Variants in ITGBL1 observed in about 807,000 individuals in gnomAD.
ITGBL1 encodes the protein integrin subunit beta like 1, also known as integrin beta-like protein 1.
Under a neutral mutation model 68.5 loss-of-function variants are expected in ITGBL1, and 51 were observed. The ratio of observed to expected loss-of-function variants is 0.74; its 90% CI spans 0.59 to 0.94. The LOEUF is 0.94. Among genes scored for constraint, ITGBL1 ranks in the 40% least tolerant of loss-of-function variants. The pLI, the probability that ITGBL1 is intolerant of heterozygous loss-of-function variation, is 0.00. For synonymous variants in ITGBL1, 209 were observed against 227.3 expected (o/e 0.92, Z 0.72); for missense variants, 649 against 647.4 (o/e 1.00, Z -0.03).
intron 2 of ITGBL1, among the ~76,000 whole-genome samples, chr13:101,469,474 G>A (rs1426613651): frequency 6.6e-6 from 1 of 152,204 alleles, no homozygotes; most frequent in Admixed American, 6.5e-5. Flanking sequence ...CTGAGGTCAC[G>A]AGTTCGAGAC....
At chr13:101,503,209 T>C (rs1232773672) in intron 2 of ITGBL1, among the ~76,000 whole-genome samples, 3 of 152,172 alleles carry the variant, frequency 2.0e-5, no homozygotes, top group African/African-American at 7.2e-5. Flanking sequence ...AGGATCTGGA[T>C]CTCCTGAAAA....
chr13:101,640,449 A>G (rs1401622027), intron 7 of ITGBL1, among the ~76,000 whole-genome samples: 1 of 152,092 alleles, frequency 6.6e-6, no homozygotes, highest in Non-Finnish European at 1.5e-5. Context: ...TTTATCCCAT[A>G]CCCTTGTATA....
intron 2 of ITGBL1, among the ~76,000 whole-genome samples, chr13:101,528,813 A>G (rs774533981): frequency 3.3e-5 from 5 of 152,008 alleles, no homozygotes; most frequent in Non-Finnish European, 5.9e-5. Context: ...AAAAATAAGC[A>G]TAGCAAAATA....
At chr13:101,655,748 G>C (rs191613842) in intron 7 of ITGBL1, among the ~76,000 whole-genome samples, 53 of 152,332 alleles carry the variant, frequency 3.5e-4, no homozygotes, top group African/African-American at 1.2e-3. Context: ...TGAGCTGATC[G>C]TATGGAGGCA....
At chr13:101,552,233 G>T (rs1349442690) in intron 2 of ITGBL1, among the ~76,000 whole-genome samples, 1 of 152,154 alleles carries the variant, frequency 6.6e-6, no homozygotes, top group Non-Finnish European at 1.5e-5. Flanking sequence ...GAAAGGAGAT[G>T]GGGCATCAGA....
intron 7 of ITGBL1, among the ~76,000 whole-genome samples, chr13:101,607,574 C>G (rs2139359151): frequency 6.6e-6 from 1 of 151,936 alleles, no homozygotes; most frequent in Non-Finnish European, 1.5e-5. Context: ...GTACAAATCT[C>G]TTAGTATTAA....
intron 2 of ITGBL1, among the ~76,000 whole-genome samples, chr13:101,550,115 T>C (rs2049896688): frequency 1.3e-5 from 2 of 152,158 alleles, no homozygotes; most frequent in African/African-American, 2.4e-5. Flanking sequence ...TGAGCTGGGA[T>C]ATAGATATGT....
chr13:101,533,685 T>G lies in ITGBL1; in HGVS notation c.317-34014T>G, dbSNP rs574691109. On this transcript the variant is annotated intron_variant, in intron 2 of 10. Coordinates refer to ENST00000376180, the MANE Select transcript of ITGBL1 (RefSeq NM_004791.3). ...AAACTCATTTGGTATGATATTAAAC[T>G]TTATAACAGAGAAGACTTTGCAGCA... Among the ~76,000 whole-genome samples, 35 of 152,338 alleles carry G rather than the reference T, an allele frequency of 2.3e-4. 1 individual carries two copies. In the South Asian group the frequency reaches 6.4e-3, roughly 28 times the overall value.
chr13:101,688,576 G>A (rs1433093336), intron 7 of ITGBL1, among the ~76,000 whole-genome samples: 1 of 152,142 alleles, frequency 6.6e-6, no homozygotes, highest in Non-Finnish European at 1.5e-5. Context: ...AGGTTACATG[G>A]GGCCATCAGA....
At chr13:101,680,481 T>A (rs552197889) in intron 7 of ITGBL1, among the ~76,000 whole-genome samples, 2 of 151,880 alleles carry the variant, frequency 1.3e-5, no homozygotes, top group South Asian at 4.2e-4. Flanking sequence ...AGCAGGTGCA[T>A]TTGATGATAC....
At chr13:101,563,168 T>C (rs909964807) in intron 2 of ITGBL1, among the ~76,000 whole-genome samples, 2 of 149,696 alleles carry the variant, frequency 1.3e-5, no homozygotes, top group African/African-American at 2.4e-5. Context: ...TAGAGAAAAA[T>C]TTACAGAATT....
At chr13:101,542,034 G>T (rs577467412) in intron 2 of ITGBL1, among the ~76,000 whole-genome samples, 2 of 152,196 alleles carry the variant, frequency 1.3e-5, no homozygotes, top group African/African-American at 4.8e-5. Context: ...TTTTTGAAGG[G>T]TTATTTGTGT....
At chr13:101,543,416 C>T (rs536935382) in intron 2 of ITGBL1, among the ~76,000 whole-genome samples, 2 of 152,300 alleles carry the variant, frequency 1.3e-5, no homozygotes, top group South Asian at 4.1e-4. Context: ...AGAGTTTCTG[C>T]CGAGAGATCA....
At position 101,579,363 on chromosome 13, in the gene ITGBL1, T is replaced by A; in HGVS notation, c.663T>A (p.Asp221Glu). ...WHGDKCEFQC[D>E]ITPWESKRRC... ...GAGATAAATGTGAATTCCAGTGCGA[T>A]ATCACCCCCTGGGAAAGCAAGCGAA... Residue 221 changes from aspartate to glutamate, a missense_variant, in exon 5 of 11, where the codon GAT (aspartate) becomes GAA (glutamate). Asp to Glu is a conservative substitution (Grantham distance 45). Coordinates refer to ENST00000376180, the MANE Select transcript of ITGBL1 (RefSeq NM_004791.3). 1 of 1,613,916 alleles carries A rather than the reference T, an allele frequency of 6.2e-7. No individual in the cohort carries two copies. Among genetic ancestry groups the A allele is most frequent in the Non-Finnish European group, 8.5e-7 (1 of 1,179,888 alleles).
intron 6 of ITGBL1, 34 bp downstream of exon 6, chr13:101,583,390 G>T: frequency 7.0e-7 from 1 of 1,431,168 alleles, no homozygotes; most frequent in Non-Finnish European, 9.2e-7. Context: ...TTTTCTGGAG[G>T]GGGAGGTGGG....
rs142518185 is a variant in ITGBL1, at chr13:101,565,206, G to A, written c.317-2493G>A. On this transcript the variant is annotated intron_variant, in intron 2 of 10. Coordinates refer to ENST00000376180, the MANE Select transcript of ITGBL1 (RefSeq NM_004791.3). ...AAAATGAGGTGTTTTTTGAAGCCAT[G>A]TTATTGACACTGTAATGGAGATTAC... 9.2e-5 allele frequency among the ~76,000 whole-genome samples: 14 copies of A among 152,138 alleles called. No individual in the cohort carries two copies. In the East Asian group the frequency reaches 2.3e-3, roughly 25 times the overall value.
intron 2 of ITGBL1, among the ~76,000 whole-genome samples, chr13:101,517,616 A>G (rs148297772): frequency 6.6e-6 from 1 of 152,284 alleles, no homozygotes; most frequent in Non-Finnish European, 1.5e-5. Flanking sequence ...TCATAATCCT[A>G]CATCCTGACA....
chr13:101,565,400 C>T (rs750608708), intron 2 of ITGBL1, among the ~76,000 whole-genome samples: 1 of 152,040 alleles, frequency 6.6e-6, no homozygotes, highest in Non-Finnish European at 1.5e-5. Flanking sequence ...AAATCAATTC[C>T]TATTCAATGA....
At chr13:101,576,189 G>A (rs969621794) in intron 4 of ITGBL1, among the ~76,000 whole-genome samples, 6 of 152,178 alleles carry the variant, frequency 3.9e-5, no homozygotes, top group African/African-American at 1.4e-4. Context: ...TGTGGAACCT[G>A]GGACGTGGAT....
Sources: allele counts gnomAD v4.1 joint callset (sites outside exome capture counted in the v4.1 genomes callset), GRCh38; gene constraint gnomAD v4.1.1; transcripts MANE v1.5; gene names NCBI Gene and HGNC (gene_info 2026-07-23, HGNC 2026-07-21).